TRAPPC3L: variants seen among roughly 807,000 people sequenced by gnomAD.
The protein encoded by TRAPPC3L is trafficking protein particle complex subunit 3L, also known as trafficking protein particle complex subunit 3-like protein.
Under a neutral mutation model 23.7 loss-of-function variants are expected in TRAPPC3L, and 23 were observed. That is an observed-to-expected ratio of 0.97 (90% confidence interval 0.70 to 1.37). The LOEUF is 1.37. Among genes scored for constraint, TRAPPC3L ranks in the 40% most tolerant of loss-of-function variants. The pLI, the probability that TRAPPC3L is intolerant of heterozygous loss-of-function variation, is 0.00. For missense variants in TRAPPC3L, 212 were observed against 216.8 expected (o/e 0.98, Z 0.14); for synonymous variants, 81 against 77.9 (o/e 1.04, Z -0.21).
intron 3 of TRAPPC3L, chr6:116,511,578 T>TTTCTGAA: frequency 1.1e-6 from 1 of 875,644 alleles, no homozygotes; most frequent in South Asian, 1.7e-5. Flanking sequence ...CTTATCTGGC[T>TTTCTGAA]CAATTCAGTC....
At chr6:116,516,708 T>TACACAC (rs796580006) in intron 3 of TRAPPC3L, 4 of 119,646 alleles carry the variant, frequency 3.3e-5, no homozygotes, top group South Asian at 2.8e-4. Flanking sequence ...TATATATATA[T>TACACAC]ACACACACAC....
chr6:116,507,526 T>TC (rs1772027611), intron 3 of TRAPPC3L, among the ~76,000 whole-genome samples: 1 of 130,842 alleles, frequency 7.6e-6, no homozygotes, highest in Non-Finnish European at 1.7e-5. Context: ...ACGTGAATCA[T>TC]CCCTTTGTTC....
chr6:116,505,839 C>T (rs1031413067), intron 3 of TRAPPC3L, among the ~76,000 whole-genome samples: 1 of 152,162 alleles, frequency 6.6e-6, no homozygotes, highest in African/African-American at 2.4e-5. Context: ...AACTGGATCC[C>T]TTCCTTACAC....
intron 3 of TRAPPC3L, among the ~76,000 whole-genome samples, chr6:116,531,539 T>C (rs1772724539): frequency 6.6e-6 from 1 of 152,184 alleles, no homozygotes; most frequent in African/African-American, 2.4e-5. Context: ...TTTCCCATTT[T>C]GGTTCTTTCA....
rs76649804 is a variant in TRAPPC3L at position 116,540,492 on chromosome 6, A to T, written c.141-30T>A. ...GGATGACGGAAAGAGTGTGGTCTGAAAATTCTAAGAAATTAGTGAAGTCTG... is the reference window on the plus strand; with the variant it reads ...GGATGACGGAAAGAGTGTGGTCTGATAATTCTAAGAAATTAGTGAAGTCTG... On this transcript the variant is annotated intron_variant, in intron 2 of 4. Coordinates refer to ENST00000368602, the MANE Select transcript of TRAPPC3L (RefSeq NM_001139444.3). 5,041 of 1,539,014 alleles carry T rather than the reference A, an allele frequency of 3.3e-3. 131 individuals are homozygous for T. In the African/African-American group the frequency reaches 0.061, roughly 19 times the overall value.
Position 116,500,139 on chromosome 6 carries a change from C to T in TRAPPC3L, c.426+342G>A, listed in dbSNP as rs962783811. Reference sequence around the variant, plus strand: ...AGCTTCCTGCCAACTGCCAGCAAGGCACTGGGGCTGTGTGAGTGAGCTTGG... The same window carrying T: ...AGCTTCCTGCCAACTGCCAGCAAGGTACTGGGGCTGTGTGAGTGAGCTTGG... On this transcript the variant is annotated intron_variant, in intron 4 of 4. Coordinates refer to ENST00000368602, the MANE Select transcript of TRAPPC3L (RefSeq NM_001139444.3). 8.5e-5 allele frequency among the ~76,000 whole-genome samples: 13 copies of T among 152,270 alleles called. No homozygotes were observed. The South Asian group carries it at 2.7e-3, about 32-fold the overall frequency.
chr6:116,521,967 C>G (rs1185230608), intron 3 of TRAPPC3L: 1 of 152,008 alleles, frequency 6.6e-6, no homozygotes, highest in Non-Finnish European at 1.5e-5. Context: ...TGCAATTACT[C>G]AGGGACTACC....
At chr6:116,505,047 G>A (rs571685038) in intron 3 of TRAPPC3L, among the ~76,000 whole-genome samples, 4 of 152,132 alleles carry the variant, frequency 2.6e-5, no homozygotes, top group Non-Finnish European at 5.9e-5. Flanking sequence ...GAAATAAAGA[G>A]TATTCAATTA....
intron 3 of TRAPPC3L, among the ~76,000 whole-genome samples, chr6:116,539,969 A>G (rs1301002553): frequency 6.6e-6 from 1 of 152,176 alleles, no homozygotes; most frequent in African/African-American, 2.4e-5. Context: ...ATACTCTGGG[A>G]ATGACTAAAC....
At chr6:116,512,427 A>T (rs998970170) in intron 3 of TRAPPC3L, 8 of 599,914 alleles carry the variant, frequency 1.3e-5, no homozygotes, top group Non-Finnish European at 2.3e-5. Context: ...AAAGTTGCTG[A>T]CTGGATTATC....
At chr6:116,511,248 G>C (rs1772113209) in intron 3 of TRAPPC3L, among the ~76,000 whole-genome samples, 1 of 149,618 alleles carries the variant, frequency 6.7e-6, no homozygotes, top group Non-Finnish European at 1.5e-5. Flanking sequence ...GCAAATCCCT[G>C]TCTTCCAAAT....
chr6:116,523,288 T>C (rs911042144), intron 3 of TRAPPC3L: 3 of 152,202 alleles, frequency 2.0e-5, no homozygotes, highest in African/African-American at 7.2e-5. Context: ...TTTTGTCCTT[T>C]AGGAATATTT....
In TRAPPC3L at chr6:116,539,598, C is replaced by A. The variant is rs116650680; in HGVS notation, c.240+765G>T. 4.0e-3 allele frequency among the ~76,000 whole-genome samples: 602 copies of A among 152,166 alleles called. 6 individuals carry two copies. Among genetic ancestry groups the A allele is most frequent in the African/African-American group, 0.014 (577 of 41,494 alleles). On this transcript the variant is annotated intron_variant, in intron 3 of 4. Transcript: ENST00000368602. ...GAAAGACAAAGAGTATGTAAAACTG[C>A]ATTTAGGCTCAGAAAGCATGATGGT...
At chr6:116,523,397 T>A (rs1772380936) in intron 3 of TRAPPC3L, 1 of 152,238 alleles carries the variant, frequency 6.6e-6, no homozygotes, top group African/African-American at 2.4e-5. Flanking sequence ...TTCCACTATA[T>A]CTTTCTAAGT....
chr6:116,536,115 T>C (rs889907451), intron 3 of TRAPPC3L, among the ~76,000 whole-genome samples: 11 of 152,236 alleles, frequency 7.2e-5, no homozygotes, highest in Non-Finnish European at 1.6e-4. Context: ...TCTTATTTAA[T>C]ATTTGTAGTT....
At chr6:116,504,780 C>T (rs1771975231) in intron 3 of TRAPPC3L, among the ~76,000 whole-genome samples, 1 of 152,176 alleles carries the variant, frequency 6.6e-6, no homozygotes, top group South Asian at 2.1e-4. Flanking sequence ...ATGATTATCT[C>T]AATAGATGCA....
intron 3 of TRAPPC3L, among the ~76,000 whole-genome samples, chr6:116,539,280 A>G (rs1395848719): frequency 2.6e-5 from 4 of 152,230 alleles, no homozygotes; most frequent in Non-Finnish European, 5.9e-5. Context: ...CAATATAAAA[A>G]GGGACTTTTT....
intron 3 of TRAPPC3L, among the ~76,000 whole-genome samples, chr6:116,508,598 G>A (rs1383904485): frequency 6.6e-6 from 1 of 152,160 alleles, no homozygotes; most frequent in Non-Finnish European, 1.5e-5. Context: ...GGAAAGAAAT[G>A]ATGAGGACTC....
chr6:116,543,689 A>G (rs2352482), intron 1 of TRAPPC3L: 13,005 of 804,642 alleles, frequency 0.016, 127 homozygotes, highest in Non-Finnish European at 0.022. Flanking sequence ...ATTTTCATGG[A>G]GGACAGTTTT....
Sources: gnomAD v4.1 joint callset for allele counts (sites outside exome capture counted in the v4.1 genomes callset) on GRCh38, gnomAD v4.1.1 for gene constraint, MANE v1.5 for transcripts, NCBI Gene and HGNC (gene_info 2026-07-23, HGNC 2026-07-21) for gene names.